Variants in SLC9B1 observed in about 807,000 individuals in gnomAD.
SLC9B1 encodes sodium/hydrogen exchanger 9B1.
A neutral mutation model predicts 51.7 loss-of-function variants in SLC9B1; 32 were observed. The observed-to-expected ratio is 0.62, with a 90% confidence interval of 0.47 to 0.83. The LOEUF (loss-of-function observed/expected upper bound fraction) is 0.83, where lower values mean the gene tolerates loss of function less well. Among genes scored for constraint, SLC9B1 ranks in the 40% least tolerant of loss-of-function variants. The pLI, the probability that SLC9B1 is intolerant of heterozygous loss-of-function variation, is 0.00. For synonymous variants in SLC9B1, 145 were observed against 212.7 expected (o/e 0.68, Z 2.77); for missense variants, 406 against 613.2 (o/e 0.66, Z 3.57).
chr4:102,998,517 A>C (rs1021686378), intron 1 of SLC9B1, among the ~76,000 whole-genome samples: 25 of 152,276 alleles, frequency 1.6e-4, no homozygotes, highest in African/African-American at 5.5e-4. Context: ...CCCTGATTTC[A>C]ATTCTATTTG....
chr4:102,890,175 A>G (rs1323445984), intron 11 of SLC9B1: 5 of 152,226 alleles, frequency 3.3e-5, no homozygotes, highest in Non-Finnish European at 2.9e-5. Context: ...AATTCACACA[A>G]TTCAGCTTTG....
intron 3 of SLC9B1, among the ~76,000 whole-genome samples, chr4:102,956,485 G>A (rs1737822169): frequency 6.6e-6 from 1 of 152,104 alleles, no homozygotes; most frequent in South Asian, 2.1e-4. Flanking sequence ...TTGCAACTTT[G>A]AATGCATTCA....
intron 11 of SLC9B1, among the ~76,000 whole-genome samples, chr4:102,902,526 G>GA (rs959994205): frequency 9.9e-5 from 15 of 151,716 alleles, no homozygotes; most frequent in Admixed American, 2.0e-4. Context: ...ACTTCCAACA[G>GA]AAAAAACAAA....
chr4:102,947,507 T>C (rs1737327221), intron 4 of SLC9B1, among the ~76,000 whole-genome samples: 1 of 152,182 alleles, frequency 6.6e-6, no homozygotes, highest in African/African-American at 2.4e-5. Context: ...CCTGAGTAGC[T>C]GAGACCCAGA....
chr4:102,996,587 G>A (rs546493320), intron 1 of SLC9B1, among the ~76,000 whole-genome samples: 3 of 152,254 alleles, frequency 2.0e-5, no homozygotes, highest in African/African-American at 7.2e-5. Context: ...GGGATGTGAG[G>A]AAGAGATCAA....
At chr4:102,887,887 ATTAC>A (rs766208295) in intron 11 of SLC9B1, 31 of 160,452 alleles carry the variant, frequency 1.9e-4, no homozygotes, top group Non-Finnish European at 3.3e-4. Flanking sequence ...GCCATCAAGA[ATTAC>A]TTGTGTTTTC....
At chr4:102,973,830 A>G (rs1199125944) in intron 3 of SLC9B1, among the ~76,000 whole-genome samples, 1 of 152,212 alleles carries the variant, frequency 6.6e-6, no homozygotes, top group East Asian at 1.9e-4. Flanking sequence ...CTACATAACA[A>G]AACTTGTGAG....
intron 3 of SLC9B1, among the ~76,000 whole-genome samples, chr4:102,961,029 G>A (rs767945435): frequency 2.0e-4 from 30 of 152,032 alleles, no homozygotes; most frequent in Non-Finnish European, 3.5e-4. Flanking sequence ...ACCGTGACTG[G>A]CCTAAGCTTT....
At chr4:102,989,577 G>A (rs1397525084) in intron 3 of SLC9B1, among the ~76,000 whole-genome samples, 1 of 151,802 alleles carries the variant, frequency 6.6e-6, no homozygotes, top group Non-Finnish European at 1.5e-5. Flanking sequence ...AAAAAAGTAT[G>A]ACAAATATTA....
chr4:102,943,049 T>C (rs915699567), intron 6 of SLC9B1, among the ~76,000 whole-genome samples: 1 of 151,506 alleles, frequency 6.6e-6, no homozygotes, highest in Admixed American at 6.6e-5. Context: ...AAAGAAGATA[T>C]ATAAATGGCC....
At chr4:103,001,500 G>T (rs1560527434) in intron 1 of SLC9B1, among the ~76,000 whole-genome samples, 1 of 152,200 alleles carries the variant, frequency 6.6e-6, no homozygotes, top group Non-Finnish European at 1.5e-5. Context: ...AAGTTCCACA[G>T]ACCTCTAGGG....
At position 102,975,582 on chromosome 4, in the gene SLC9B1, A is replaced by ATTTT. The variant is rs1361023040; in HGVS notation, c.211+14217_211+14218insAAAA. 1.9e-3 allele frequency among the ~76,000 whole-genome samples: 143 copies of ATTTT among 73,482 alleles called. 1 individual carries two copies. The highest frequency in any genetic ancestry group is 2.2e-3 in the African/African-American group (35 of 15,786). 48.2% of individuals were successfully genotyped at this position (73,482 alleles called of 152,430 possible). A position where few individuals can be genotyped will look rare whatever the true frequency, so the allele number is the denominator to read the frequency against. ...TATATATACATATATATATATATATATATATTTTTTTTTTTTTTTTTTTTT... is the reference window on the plus strand; with the variant it reads ...TATATATACATATATATATATATATATTTTTATATTTTTTTTTTTTTTTTTTTTT... On this transcript the variant is annotated intron_variant, in intron 3 of 11. Transcript: ENST00000296422.
intron 3 of SLC9B1, among the ~76,000 whole-genome samples, chr4:102,985,090 T>C (rs1377162303): frequency 6.6e-6 from 1 of 152,244 alleles, no homozygotes; most frequent in African/African-American, 2.4e-5. Flanking sequence ...ACTTTATTCC[T>C]GATAACACTC....
downstream of SLC9B1, among the ~76,000 whole-genome samples, chr4:102,900,588 A>G (rs1156505881): frequency 3.9e-5 from 6 of 152,070 alleles, no homozygotes; most frequent in Admixed American, 2.0e-4. Flanking sequence ...ATTACTGAAC[A>G]TATTATTTAC....
intron 3 of SLC9B1, among the ~76,000 whole-genome samples, chr4:102,967,830 C>G (rs1738512982): frequency 6.6e-6 from 1 of 152,068 alleles, no homozygotes; most frequent in Non-Finnish European, 1.5e-5. Flanking sequence ...AGTGCAAAAC[C>G]TTTGCACTGA....
intron 3 of SLC9B1, among the ~76,000 whole-genome samples, chr4:102,963,768 CA>C (rs1307774866): frequency 6.6e-6 from 1 of 151,956 alleles, no homozygotes; most frequent in Non-Finnish European, 1.5e-5. Flanking sequence ...ACTTAAAATA[CA>C]AAAAACCAAT....
At chr4:102,983,790 G>A (rs569730918) in intron 3 of SLC9B1, among the ~76,000 whole-genome samples, 1 of 151,986 alleles carries the variant, frequency 6.6e-6, no homozygotes, top group East Asian at 1.9e-4. Flanking sequence ...TAGTTAGTTT[G>A]GCTAAAGGCT....
intron 7 of SLC9B1, among the ~76,000 whole-genome samples, chr4:102,913,637 TC>T (rs1170596735): frequency 1.3e-5 from 2 of 150,822 alleles, no homozygotes; most frequent in Non-Finnish European, 3.0e-5. Flanking sequence ...AAAATAAATC[TC>T]CAGAAACCAA....
In SLC9B1 at chr4:102,893,281, C is replaced by CAAAAAAAAAAAAAAAAAA. The variant is rs58316456; in HGVS notation, c.1333-7971_1333-7954dup. 8.5e-4 allele frequency among the ~76,000 whole-genome samples: 30 copies of CAAAAAAAAAAAAAAAAAA among 35,158 alleles called. 1 individual carries two copies. Among genetic ancestry groups the CAAAAAAAAAAAAAAAAAA allele is most frequent in the Admixed American group, 1.5e-3 (3 of 2,058 alleles). 23.1% of individuals were successfully genotyped at this position (35,158 alleles called of 152,430 possible). A position where few individuals can be genotyped will look rare whatever the true frequency, so the allele number is the denominator to read the frequency against. On this transcript the variant is annotated intron_variant, in intron 11 of 11. Transcript: ENST00000394789. ...TGGGCCACAGAGCAAGACTCCATCT[C>CAAAAAAAAAAAAAAAAAA]AAAAAAAAAAAAAAAAAAAAAAAAG...
Sources: allele counts gnomAD v4.1 joint callset (sites outside exome capture counted in the v4.1 genomes callset), GRCh38; gene constraint gnomAD v4.1.1; transcripts MANE v1.5; gene names NCBI Gene and HGNC (gene_info 2026-07-23, HGNC 2026-07-21).